PFKFB3: variants seen among roughly 807,000 people sequenced by gnomAD.
PFKFB3 encodes 6-phosphofructo-2-kinase/fructose-2,6-bisphosphatase 3.
In PFKFB3, 33 loss-of-function variants were observed where a neutral mutation model predicts 68.0. That is an observed-to-expected ratio of 0.49 (90% CI 0.37 to 0.65). PFKFB3 has a LOEUF of 0.65. PFKFB3 is among the 30% of genes least tolerant of loss of function. The pLI is 0.00. For synonymous variants in PFKFB3, 315 were observed against 288.2 expected, an observed-to-expected ratio of 1.09 and a Z score of -0.94; for missense variants, 586 against 712.2, an observed-to-expected ratio of 0.82 and a Z score of 2.02.
intron 14 of PFKFB3, among the ~76,000 whole-genome samples, chr10:6,248,328 A>G (rs1846300733): frequency 6.6e-6 from 1 of 152,120 alleles, no homozygotes; most frequent in Admixed American, 6.6e-5. Flanking sequence ...CTACGGAAAG[A>G]CAGCAAATAA....
At chr10:6,174,480 C>T (rs1225701500) in intron 1 of PFKFB3, among the ~76,000 whole-genome samples, 1 of 152,214 alleles carries the variant, frequency 6.6e-6, no homozygotes, top group East Asian at 1.9e-4. Context: ...GCGAGAGATT[C>T]CGTGGCCCGG....
rs1845582152 is a variant in PFKFB3, at chr10:6,229,369, G to A, written c.1515+3004G>A. On this transcript the variant is annotated intron_variant, in intron 14 of 14. Coordinates refer to ENST00000379775, the MANE Select transcript of PFKFB3 (RefSeq NM_004566.4). This position sits in a 1 kb window ranked among gnomAD's most constrained non-coding sequence, Gnocchi z 4.3. ...CAGGTGAGCCGCAGAGCCGGGGCCT[G>A]AAAGGCCCCTTGCTTCAGAAAGCCG... is the stretch of plus-strand genomic sequence containing the variant. Among the ~76,000 whole-genome samples the A allele has an allele frequency of 6.6e-6, 1 of 152,218 alleles. No homozygotes were observed. Among genetic ancestry groups the A allele is most frequent in the African/African-American group, 2.4e-5 (1 of 41,462 alleles).
chr10:6,157,427 C>T (rs570320259), intron 1 of PFKFB3, among the ~76,000 whole-genome samples: 10 of 152,150 alleles, frequency 6.6e-5, no homozygotes, highest in Non-Finnish European at 1.2e-4. Context: ...GGGGTTTCAC[C>T]GTGTTAGCCA....
downstream of PFKFB3, among the ~76,000 whole-genome samples, chr10:6,239,032 G>A (rs76302208): frequency 2.0e-5 from 3 of 152,196 alleles, no homozygotes; most frequent in South Asian, 4.1e-4. Flanking sequence ...ATGAACATAC[G>A]CGTGCATGTG....
At position 6,229,088 on chromosome 10, in the gene PFKFB3, T is replaced by A. The variant is rs377044461; in HGVS notation, c.1515+2723T>A. The A allele has an allele frequency of 2.1e-5, 11 of 529,650 alleles. No individual in the cohort carries two copies. Among genetic ancestry groups the A allele is most frequent in the South Asian group, 1.6e-4 (11 of 70,796 alleles). The allele number at this position is 529,650 out of a possible 1,614,324, so 32.8% of individuals were successfully genotyped here. On this transcript the variant is annotated intron_variant, in intron 14 of 14. Coordinates refer to ENST00000379775, the MANE Select transcript of PFKFB3 (RefSeq NM_004566.4). The surrounding 1 kb of genome is among the most constrained non-coding windows in gnomAD (Gnocchi z 4.3). ...TTTATTTCCTGTTTGCTCCTTAAGTTACCTTAACTACTTTATGCAGAAACT... is the reference window on the plus strand; with the variant it reads ...TTTATTTCCTGTTTGCTCCTTAAGTAACCTTAACTACTTTATGCAGAAACT...
chr10:6,217,641 A>G (rs1176802560), intron 6 of PFKFB3, among the ~76,000 whole-genome samples: 3 of 151,186 alleles, frequency 2.0e-5, no homozygotes, highest in Non-Finnish European at 4.4e-5. Context: ...GGGAGGTAAG[A>G]CTCTCCTCCT....
intron 1 of PFKFB3, among the ~76,000 whole-genome samples, chr10:6,175,237 A>T (rs914484377): frequency 6.6e-6 from 1 of 152,360 alleles, no homozygotes; most frequent in Admixed American, 6.5e-5. Context: ...TTCAATGGCC[A>T]TTATGACCAG....
intron 1 of PFKFB3, chr10:6,145,101 C>A: frequency 9.0e-7 from 1 of 1,109,418 alleles, no homozygotes. Flanking sequence ...TGGGTCCTCG[C>A]CAGGCGCGGA....
chr10:6,172,026 T>C (rs969207435), intron 1 of PFKFB3, among the ~76,000 whole-genome samples: 4 of 152,216 alleles, frequency 2.6e-5, no homozygotes, highest in African/African-American at 9.6e-5. Context: ...CGTACTCCAT[T>C]GAGAGTCTTA....
intron 1 of PFKFB3, among the ~76,000 whole-genome samples, chr10:6,174,379 T>C (rs79785135): frequency 0.011 from 1,646 of 152,256 alleles, 69 homozygotes; most frequent in East Asian, 0.098. Flanking sequence ...AATAAACAAG[T>C]GCTGTTCCGT....
At chr10:6,304,437 T>C in the PFKFB3 span, among the ~76,000 whole-genome samples, 2 of 150,832 alleles carry the variant, frequency 1.3e-5, no homozygotes, top group East Asian at 1.9e-4. Context: ...TATATGCCAG[T>C]CCAGCCATCC....
chr10:6,217,786 A>G (rs1000856907), intron 6 of PFKFB3, among the ~76,000 whole-genome samples: 2 of 152,226 alleles, frequency 1.3e-5, no homozygotes, highest in Non-Finnish European at 1.5e-5. Context: ...AGCAATATAT[A>G]TAAACAGGAA....
At chr10:6,183,609 AAAAAAAT>A (rs1168567820) in intron 1 of PFKFB3, among the ~76,000 whole-genome samples, 6 of 69,008 alleles carry the variant, frequency 8.7e-5, no homozygotes, top group Non-Finnish European at 1.7e-4. Context: ...GTCAAAAAAA[AAAAAAAT>A]ATATATATAT....
intron 1 of PFKFB3, among the ~76,000 whole-genome samples, chr10:6,192,964 T>C (rs575368854): frequency 6.6e-5 from 10 of 152,296 alleles, no homozygotes; most frequent in African/African-American, 2.4e-4. Flanking sequence ...ATGATTTTAC[T>C]GTGAATGGCT....
At chr10:6,246,712 T>C (rs1214425239) in intron 14 of PFKFB3, among the ~76,000 whole-genome samples, 1 of 152,188 alleles carries the variant, frequency 6.6e-6, no homozygotes, top group Non-Finnish European at 1.5e-5. Context: ...GCAGGTTTGT[T>C]ACGTGGGTAT....
At chr10:6,232,493 G>T (rs1432878045) in intron 14 of PFKFB3, among the ~76,000 whole-genome samples, 2 of 152,128 alleles carry the variant, frequency 1.3e-5, no homozygotes, top group African/African-American at 4.8e-5. Flanking sequence ...GAGTCGAGAG[G>T]AGGGGCCCTG....
intron 1 of PFKFB3, among the ~76,000 whole-genome samples, chr10:6,171,204 T>G (rs901824775): frequency 6.6e-6 from 1 of 151,648 alleles, no homozygotes; most frequent in African/African-American, 2.4e-5. Flanking sequence ...TGCACCACCA[T>G]GCCACCACGC....
intron 11 of PFKFB3, among the ~76,000 whole-genome samples, chr10:6,223,529 G>A (rs1845108420): frequency 6.6e-6 from 1 of 152,184 alleles, no homozygotes; most frequent in Non-Finnish European, 1.5e-5. Flanking sequence ...GGGACAGCTT[G>A]TGGCTGGGGA....
At chr10:6,166,761 A>C (rs1400733445) in intron 1 of PFKFB3, among the ~76,000 whole-genome samples, 1 of 151,936 alleles carries the variant, frequency 6.6e-6, no homozygotes, top group East Asian at 1.9e-4. Context: ...GAGTTTAACA[A>C]ATGTGGTCAC....
Sources: gnomAD v4.1 joint callset for allele counts (sites outside exome capture counted in the v4.1 genomes callset) on GRCh38, gnomAD v4.1.1 for gene constraint, Gnocchi (gnomAD v3.1) non-coding constraint, MANE v1.5 for transcripts, NCBI Gene and HGNC (gene_info 2026-07-23, HGNC 2026-07-21) for gene names.